GALNT15: variants seen among roughly 807,000 people sequenced by gnomAD.
GALNT15 encodes polypeptide N-acetylgalactosaminyltransferase 15.
A neutral mutation model predicts 66.8 loss-of-function variants in GALNT15; 67 were observed. The ratio of observed to expected loss-of-function variants is 1.00; its 90% confidence interval spans 0.82 to 1.23. The LOEUF (loss-of-function observed/expected upper bound fraction) is 1.23, where lower values mean the gene tolerates loss of function less well. GALNT15 is among the 50% of genes most tolerant of loss of function. The probability of loss-of-function intolerance (pLI) is 0.00; values close to 1 mark genes in which losing one functional copy is unlikely to be tolerated. For synonymous variants in GALNT15, 313 were observed against 311.5 expected (o/e 1.00, Z -0.05); for missense variants, 827 against 804.3 (o/e 1.03, Z -0.34).
At position 16,186,203 on chromosome 3, in the gene GALNT15, A is replaced by T. The variant is rs137900721; in HGVS notation, c.540-9557A>T. On this transcript the variant is annotated intron_variant, in intron 1 of 9. Transcript: ENST00000339732. The surrounding 1 kb of genome is among the most constrained non-coding windows in gnomAD (Gnocchi z 5.1). ...CAATAGCACACGAAAAGATGTTCAA[A>T]TCATTAGTCAGTAGGAAAATACAAA... Among the ~76,000 whole-genome samples, 1 of 152,214 alleles carries T rather than the reference A, an allele frequency of 6.6e-6. No individual in the cohort carries two copies. The highest frequency in any genetic ancestry group is 2.4e-5 in the African/African-American group (1 of 41,452).
At chr3:16,198,907 T>C (rs1402364576) in intron 2 of GALNT15, among the ~76,000 whole-genome samples, 1 of 142,128 alleles carries the variant, frequency 7.0e-6, no homozygotes, top group African/African-American at 2.6e-5. Context: ...CCAGGCTACT[T>C]GTATCCACAG....
In GALNT15 at chr3:16,209,846, C is replaced by T. The variant is rs1389625587; in HGVS notation, c.1079+1176C>T. On this transcript the variant is annotated intron_variant, in intron 4 of 9. Transcript: ENST00000339732. This position sits in a 1 kb window ranked among gnomAD's most constrained non-coding sequence, Gnocchi z 4.1. ...CAAAAACAAAAAACAAAAACAAAAT[C>T]ATTAGGCAGCAAAAGCTGCCCTGAA... Among the ~76,000 whole-genome samples, 1 of 152,152 alleles carries T rather than the reference C, an allele frequency of 6.6e-6. No individual in the cohort carries two copies. Among genetic ancestry groups the T allele is most frequent in the Non-Finnish European group, 1.5e-5 (1 of 68,018 alleles).
Position 16,211,173 on chromosome 3 carries a change from C to T in GALNT15, c.1129C>T (p.Gln377Ter), listed in dbSNP as rs2063810615. Residue 377 changes from glutamine (Q) to a stop codon, truncating the protein, a stop_gained, in exon 5 of 10, where the codon CAA becomes TAA. Transcript: ENST00000339732. LOFTEE classifies it high-confidence loss of function. This position sits in a 1 kb window ranked among gnomAD's most constrained non-coding sequence, Gnocchi z 4.3. ...EVVAMDRHYFQNTGAYDSLMS... is the reference protein window; with the variant it reads ...EVVAMDRHYF ...GGTGGCCATGGACAGACATTACTTCCAAAACACTGGAGCGTATGACTCTCT... is the reference window on the plus strand; with the variant it reads ...GGTGGCCATGGACAGACATTACTTCTAAAACACTGGAGCGTATGACTCTCT... 2 of 1,613,946 alleles carry T rather than the reference C, an allele frequency of 1.2e-6. No homozygotes were observed. The highest frequency in any genetic ancestry group is 1.7e-5 in the Admixed American group (1 of 60,008).
rs1356681703 is a variant in GALNT15, at chr3:16,203,494, G to GTC, written c.911+2679_911+2680dup. Among the ~76,000 whole-genome samples the GTC allele has an allele frequency of 6.9e-6, 1 of 144,272 alleles. No homozygotes were observed. The highest frequency in any genetic ancestry group is 2.0e-4 in the East Asian group (1 of 4,990). The allele number at this position is 144,272 out of a possible 152,430, so 94.6% of individuals were successfully genotyped here. The stretch of plus-strand genomic sequence containing the variant: ...CCTCTCTACCTCTCTCACGGTCTTT[G>GTC]TCTCTCTCTGTCTCTTGGTCACTCA... On this transcript the variant is annotated intron_variant, in intron 3 of 9. Coordinates refer to ENST00000339732, the MANE Select transcript of GALNT15 (RefSeq NM_054110.5). This position sits in a 1 kb window ranked among gnomAD's most constrained non-coding sequence, Gnocchi z 6.2.
chr3:16,175,092 C>G lies in GALNT15; in HGVS notation c.-60C>G. On this transcript the variant is annotated 5_prime_UTR_variant, in exon 1 of 10. Transcript: ENST00000339732. This position sits in a 1 kb window ranked among gnomAD's most constrained non-coding sequence, Gnocchi z 5.6. ...AGGTTCTGCTGCAAGCTTGAAGGAGCCTGGAGCGGGAGAAAGCTAACTTGA... is the reference window on the plus strand; with the variant it reads ...AGGTTCTGCTGCAAGCTTGAAGGAGGCTGGAGCGGGAGAAAGCTAACTTGA... 6 of 1,520,572 alleles carry G rather than the reference C, an allele frequency of 3.9e-6. No individual in the cohort carries two copies. In the Admixed American group the frequency reaches 9.0e-5, roughly 23 times the overall value. 94.2% of individuals were successfully genotyped at this position (1,520,572 alleles called of 1,614,324 possible). A position where few individuals can be genotyped will look rare whatever the true frequency, so the allele number is the denominator to read the frequency against.
intron 4 of GALNT15, among the ~76,000 whole-genome samples, chr3:16,210,245 A>G (rs1179569200): frequency 6.6e-6 from 1 of 152,276 alleles, no homozygotes; most frequent in Non-Finnish European, 1.5e-5. Context: ...TCAAAGACAC[A>G]TAGCCCACCT....
rs1694909318 is a variant in GALNT15 at position 16,195,819 on chromosome 3, A to T, written c.599A>T (p.His200Leu). 6.2e-7 allele frequency: 1 copy of T among 1,613,776 alleles called. No individual in the cohort carries two copies. The highest frequency in any genetic ancestry group is 1.7e-5 in the Admixed American group (1 of 59,986). ...ACAGCCAGCGTCATCCTCTGTTTCC[A>T]TGATGAGGCCTGGTCCACTCTCCTG... Reference protein sequence around the residue: ...LPTASVILCFHDEAWSTLLRT... With the variant: ...LPTASVILCFLDEAWSTLLRT... Residue 200 changes from histidine to leucine, a missense_variant, in exon 2 of 10, where the codon CAT becomes CTT. Transcript: ENST00000339732. This position sits in a 1 kb window ranked among gnomAD's most constrained non-coding sequence, Gnocchi z 4.6.
chr3:16,210,960 C>T (rs965911801), intron 4 of GALNT15, among the ~76,000 whole-genome samples, 164 bp from the exon 5 acceptor site: 24 of 152,202 alleles, frequency 1.6e-4, no homozygotes, highest in African/African-American at 4.3e-4. Context: ...TTTCTGACAT[C>T]GTGGCTCTGC....
chr3:16,228,365 G>C lies in GALNT15; in HGVS notation c.*865G>C, dbSNP rs1428526049. The C allele has an allele frequency of 9.1e-6, 9 of 984,838 alleles. No individual in the cohort carries two copies. Among genetic ancestry groups the C allele is most frequent in the African/African-American group, 1.7e-5 (1 of 57,180 alleles). 61.0% of individuals were successfully genotyped at this position (984,838 alleles called of 1,614,324 possible). ...CACAGTTGAGAAACTCTCCTGCCGGGCGCGGTGGCTCATGCCTGTAATTCC... is the reference window on the plus strand; with the variant it reads ...CACAGTTGAGAAACTCTCCTGCCGGCCGCGGTGGCTCATGCCTGTAATTCC... On this transcript the variant is annotated 3_prime_UTR_variant, in exon 10 of 10. Transcript: ENST00000339732.
intron 9 of GALNT15, among the ~76,000 whole-genome samples, chr3:16,226,879 T>C (rs928908993): frequency 1.3e-5 from 2 of 152,254 alleles, no homozygotes; most frequent in African/African-American, 4.8e-5. Flanking sequence ...GGAATAGCCA[T>C]GGTCTTCTGA....
downstream of GALNT15, among the ~76,000 whole-genome samples, chr3:16,236,706 C>G (rs2064127394): frequency 6.6e-6 from 1 of 152,204 alleles, no homozygotes; most frequent in South Asian, 2.1e-4. Context: ...ATTATGAGCA[C>G]ACTCCAGTCC....
At position 16,189,455 on chromosome 3, in the gene GALNT15, C is replaced by T. The variant is rs1307865599; in HGVS notation, c.540-6305C>T. Among the ~76,000 whole-genome samples, 1 of 152,194 alleles carries T rather than the reference C, an allele frequency of 6.6e-6. No individual in the cohort carries two copies. Among genetic ancestry groups the T allele is most frequent in the Non-Finnish European group, 1.5e-5 (1 of 68,034 alleles). On this transcript the variant is annotated intron_variant, in intron 1 of 9. Coordinates refer to ENST00000339732, the MANE Select transcript of GALNT15 (RefSeq NM_054110.5). The surrounding 1 kb of genome is among the most constrained non-coding windows in gnomAD (Gnocchi z 5.1). ...GATTGTTATTCCCAGAATACCAGCC[C>T]AGTTCCTCTGCTATGTTGAAGGACA...
downstream of GALNT15, among the ~76,000 whole-genome samples, chr3:16,230,185 T>A (rs2064068695): frequency 6.6e-6 from 1 of 152,204 alleles, no homozygotes; most frequent in Admixed American, 6.5e-5. The surrounding 1 kb of genome is among the most constrained non-coding windows in gnomAD (Gnocchi z 4.5). Flanking sequence ...TCATCATTAT[T>A]AACTATACCA....
chr3:16,234,630 C>T (rs927345103), downstream of GALNT15, among the ~76,000 whole-genome samples: 11 of 152,234 alleles, frequency 7.2e-5, no homozygotes, highest in African/African-American at 2.7e-4. Flanking sequence ...CTGGGCTCAT[C>T]TTCCAAGTAA....
intron 3 of GALNT15, among the ~76,000 whole-genome samples, chr3:16,201,849 C>T (rs558129976): frequency 8.5e-5 from 13 of 152,336 alleles, no homozygotes; most frequent in African/African-American, 3.1e-4. Flanking sequence ...GAATATCCTA[C>T]CCAGGAAAAC....
Position 16,195,296 on chromosome 3 carries a change from C to T in GALNT15, c.540-464C>T, listed in dbSNP as rs1009273976. Among the ~76,000 whole-genome samples, 1 of 152,166 alleles carries T rather than the reference C, an allele frequency of 6.6e-6. No homozygotes were observed. The highest frequency in any genetic ancestry group is 2.4e-5 in the African/African-American group (1 of 41,450). On this transcript the variant is annotated intron_variant, in intron 1 of 9. Coordinates refer to ENST00000339732, the MANE Select transcript of GALNT15 (RefSeq NM_054110.5). The surrounding 1 kb of genome is among the most constrained non-coding windows in gnomAD (Gnocchi z 4.6). ...TGTGGTCCACAGAAAACAGCAGCAT[C>T]GGCATCACCTGGGAGCTTGTTAGAA...
At chr3:16,185,954 T>G (rs1004240331) in intron 1 of GALNT15, among the ~76,000 whole-genome samples, 2 of 152,154 alleles carry the variant, frequency 1.3e-5, no homozygotes, top group African/African-American at 4.8e-5. Flanking sequence ...TTTTAAAAAA[T>G]AGATATTTTT....
intron 6 of GALNT15, among the ~76,000 whole-genome samples, 163 bp downstream of exon 6, chr3:16,212,926 G>T (rs1054863983): frequency 2.0e-5 from 3 of 152,160 alleles, no homozygotes; most frequent in African/African-American, 7.2e-5. Flanking sequence ...ACCTGGTGAG[G>T]CTGTCCTTTG....
chr3:16,216,095 G>A (rs2063873295), intron 6 of GALNT15, among the ~76,000 whole-genome samples: 1 of 152,108 alleles, frequency 6.6e-6, no homozygotes, highest in African/African-American at 2.4e-5. Context: ...GAATGGAATG[G>A]ATGGATGGCA....
Sources: allele counts gnomAD v4.1 joint callset (sites outside exome capture counted in the v4.1 genomes callset), GRCh38; gene constraint gnomAD v4.1.1; non-coding constraint Gnocchi (gnomAD v3.1); transcripts MANE v1.5; gene names NCBI Gene and HGNC (gene_info 2026-07-23, HGNC 2026-07-21).